The following ZEB1 variants were observed in gnomAD, a reference collection of about 807,000 sequenced individuals.
ZEB1 encodes zinc finger E-box-binding homeobox 1.
A neutral mutation model predicts 84.9 loss-of-function variants in ZEB1; 21 were observed. The ratio of observed to expected loss-of-function variants is 0.25; its 90% confidence interval spans 0.18 to 0.36. The LOEUF (loss-of-function observed/expected upper bound fraction) is 0.36, where lower values mean the gene tolerates loss of function less well. Among genes scored for constraint, ZEB1 ranks in the 10% least tolerant of loss-of-function variants. The pLI is 1.00. For synonymous variants in ZEB1, 420 were observed against 471.1 expected, an observed-to-expected ratio of 0.89 and a Z score of 1.41; for missense variants, 1,104 against 1,330.2, an observed-to-expected ratio of 0.83 and a Z score of 2.65.
Position 31,527,201 on chromosome 10 carries a change from C to T in ZEB1, c.3315C>T (p.Ser1105=). 6.2e-7 allele frequency: 1 copy of T among 1,611,542 alleles called. No homozygotes were observed. Among genetic ancestry groups the T allele is most frequent in the Non-Finnish European group, 8.5e-7 (1 of 1,178,914 alleles). Reference sequence around the variant, plus strand: ...ACAGGGCTGAAAGTCAAGCAAGCAGCTTAGGACAAAAAGTAGGCGAGAGTA... The same window carrying T: ...ACAGGGCTGAAAGTCAAGCAAGCAGTTTAGGACAAAAAGTAGGCGAGAGTA... The part of the protein sequence containing the change: ...KDDRAESQAS[S]LGQKVGESSE... Residue 1105 remains serine (S), a synonymous_variant, in exon 9 of 9, where the codon AGC becomes AGT. Transcript: ENST00000424869.
intron 1 of ZEB1, among the ~76,000 whole-genome samples, chr10:31,367,986 TACAC>T (rs1256708813): frequency 1.3e-5 from 2 of 151,856 alleles, no homozygotes; most frequent in Non-Finnish European, 2.9e-5. Context: ...CACATAGACA[TACAC>T]ACGTAGATGC....
chr10:31,463,640 T>C (rs776216477), intron 2 of ZEB1, among the ~76,000 whole-genome samples: 1 of 152,160 alleles, frequency 6.6e-6, no homozygotes, highest in East Asian at 1.9e-4. Flanking sequence ...GTTTCCCTGG[T>C]TAGGTATTCA....
intron 1 of ZEB1, among the ~76,000 whole-genome samples, chr10:31,453,802 G>A (rs376725592): frequency 1.3e-5 from 2 of 152,174 alleles, no homozygotes; most frequent in South Asian, 2.1e-4. Context: ...AGGACCAGAC[G>A]GATTCACAGC....
chr10:31,332,154 C>T (rs535924896), intron 1 of ZEB1, among the ~76,000 whole-genome samples: 45 of 152,148 alleles, frequency 3.0e-4, no homozygotes, highest in African/African-American at 1.1e-3. Flanking sequence ...GTAATTGCTT[C>T]GAAATGGTGC....
intron 1 of ZEB1, among the ~76,000 whole-genome samples, chr10:31,412,263 CT>C (rs2054441594): frequency 6.6e-6 from 1 of 152,082 alleles, no homozygotes; most frequent in Non-Finnish European, 1.5e-5. Context: ...AAATACACCT[CT>C]TTTTTTATTA....
At chr10:31,444,451 C>T (rs969404332) in intron 1 of ZEB1, among the ~76,000 whole-genome samples, 15 of 151,956 alleles carry the variant, frequency 9.9e-5, no homozygotes, top group African/African-American at 2.9e-4. Context: ...TCTTCTGTTG[C>T]CATTGCTTTT....
At chr10:31,470,071 A>G (rs1324183602) in intron 2 of ZEB1, among the ~76,000 whole-genome samples, 2 of 151,896 alleles carry the variant, frequency 1.3e-5, no homozygotes, top group East Asian at 3.9e-4. Flanking sequence ...GTACATCACC[A>G]TCATCAAAGA....
intron 1 of ZEB1, among the ~76,000 whole-genome samples, chr10:31,443,326 T>G (rs2059277773): frequency 6.6e-6 from 1 of 152,194 alleles, no homozygotes; most frequent in Non-Finnish European, 1.5e-5. Flanking sequence ...ACTTGATTTT[T>G]TTCTGTGTAT....
At chr10:31,483,826 A>T (rs2065379278) in intron 2 of ZEB1, among the ~76,000 whole-genome samples, 1 of 152,018 alleles carries the variant, frequency 6.6e-6, no homozygotes, top group Non-Finnish European at 1.5e-5. Flanking sequence ...GATTTAAACA[A>T]CACAAATTTA....
intron 3 of ZEB1, among the ~76,000 whole-genome samples, chr10:31,501,938 T>A (rs2068207346): frequency 6.6e-6 from 1 of 152,190 alleles, no homozygotes; most frequent in Admixed American, 6.5e-5. Context: ...TAAGGGGCTG[T>A]CTATTGTCCA....
At chr10:31,465,038 A>G (rs988884794) in intron 2 of ZEB1, among the ~76,000 whole-genome samples, 1 of 152,224 alleles carries the variant, frequency 6.6e-6, no homozygotes, top group African/African-American at 2.4e-5. Flanking sequence ...GACTGCAGTC[A>G]ATAATAACTT....
chr10:31,390,814 A>G (rs1316481737), intron 1 of ZEB1, among the ~76,000 whole-genome samples: 1 of 152,190 alleles, frequency 6.6e-6, no homozygotes, highest in African/African-American at 2.4e-5. Flanking sequence ...CCAGTTCAGC[A>G]ATCAGTCTCC....
chr10:31,441,075 C>A (rs2058903185), intron 1 of ZEB1, among the ~76,000 whole-genome samples: 1 of 152,020 alleles, frequency 6.6e-6, no homozygotes, highest in Non-Finnish European at 1.5e-5. Flanking sequence ...TCATATGGAA[C>A]CAAAAAAGAG....
chr10:31,514,021 C>T (rs114259671), intron 5 of ZEB1, among the ~76,000 whole-genome samples: 2,158 of 152,022 alleles, frequency 0.014, 50 homozygotes, highest in African/African-American at 0.049. Flanking sequence ...TTTGATAAAC[C>T]AGACAGAAAG....
At chr10:31,505,293 A>G (rs2068781630) in intron 4 of ZEB1, among the ~76,000 whole-genome samples, 1 of 152,018 alleles carries the variant, frequency 6.6e-6, no homozygotes, top group Non-Finnish European at 1.5e-5. Flanking sequence ...CAAGATAGTG[A>G]TGGACTTATA....
chr10:31,384,195 G>C (rs1043514676), intron 1 of ZEB1, among the ~76,000 whole-genome samples: 1 of 151,830 alleles, frequency 6.6e-6, no homozygotes, highest in Non-Finnish European at 1.5e-5. Context: ...AGGCTGGTCT[G>C]GAGTTCCTGA....
At chr10:31,416,115 T>A (rs77194800) in intron 1 of ZEB1, among the ~76,000 whole-genome samples, 2,306 of 152,124 alleles carry the variant, frequency 0.015, 44 homozygotes, top group African/African-American at 0.052. Context: ...ATCTAAGAAG[T>A]GATTTTTTTT....
chr10:31,327,084 T>TTTTTC (rs1564469144), intron 1 of ZEB1, among the ~76,000 whole-genome samples: 4 of 149,718 alleles, frequency 2.7e-5, no homozygotes, highest in East Asian at 4.0e-4. Flanking sequence ...ATTTACTTTC[T>TTTTTC]TTTTCTTTTC....
At chr10:31,373,092 T>C (rs2045993726) in intron 1 of ZEB1, 1 of 985,468 alleles carries the variant, frequency 1.0e-6, no homozygotes, top group Non-Finnish European at 1.2e-6. Flanking sequence ...AATGTCATTT[T>C]GTGATTTGGC....
Sources: allele counts gnomAD v4.1 joint callset (sites outside exome capture counted in the v4.1 genomes callset), GRCh38; gene constraint gnomAD v4.1.1; transcripts MANE v1.5; gene names NCBI Gene and HGNC (gene_info 2026-07-23, HGNC 2026-07-21).